Variants in DTX4 observed in about 807,000 individuals in gnomAD.
DTX4 encodes the protein deltex E3 ubiquitin ligase 4.
In DTX4, 28 loss-of-function variants were observed where a neutral mutation model predicts 57.6. That is an observed-to-expected ratio of 0.49 (90% CI 0.36 to 0.67). The LOEUF is 0.67. DTX4 is among the 30% of genes least tolerant of loss of function. The pLI is 0.00. For synonymous variants in DTX4, 316 were observed against 331.0 expected, an observed-to-expected ratio of 0.95 and a Z score of 0.49; for missense variants, 715 against 836.8, an observed-to-expected ratio of 0.85 and a Z score of 1.80.
intron 1 of DTX4, 51 bp downstream of exon 1, chr11:59,172,857 T>C: frequency 1.4e-6 from 2 of 1,420,286 alleles, no homozygotes; most frequent in Non-Finnish European, 1.9e-6. Context: ...CTTCCCAACC[T>C]GCCAAGGTAC....
intron 7 of DTX4, among the ~76,000 whole-genome samples, chr11:59,198,256 G>A (rs570107360): frequency 1.1e-4 from 17 of 152,318 alleles, no homozygotes; most frequent in South Asian, 4.1e-4. Context: ...CCAGGCAGGC[G>A]TCTGAGTTGG....
chr11:59,191,506 A>T (rs1320262779), intron 5 of DTX4, among the ~76,000 whole-genome samples: 1 of 152,218 alleles, frequency 6.6e-6, no homozygotes, highest in Non-Finnish European at 1.5e-5. Flanking sequence ...AACCAGAGAC[A>T]ATTTGGCCCC....
chr11:59,172,218 C>T lies in DTX4; in HGVS notation c.-378C>T, dbSNP rs1862333240. The stretch of plus-strand genomic sequence containing the variant: ...TGGTGCGAGGGCTGGGTCCTTGCCT[C>T]GCCGTCAGCCCCAGCTCGCGGCCGC... On this transcript the variant is annotated 5_prime_UTR_variant, in exon 1 of 9. Transcript: ENST00000227451. Among the ~76,000 whole-genome samples the T allele has an allele frequency of 6.6e-6, 1 of 152,056 alleles. No homozygotes were observed. The highest frequency in any genetic ancestry group is 6.5e-5 in the Admixed American group (1 of 15,274).
Position 59,196,338 on chromosome 11 carries a change from G to A in DTX4, c.1536+969G>A, listed in dbSNP as rs186757767. Among the ~76,000 whole-genome samples the A allele has an allele frequency of 1.2e-4, 19 of 152,340 alleles. No homozygotes were observed. In the East Asian group the frequency reaches 2.5e-3, roughly 20 times the overall value. ...AAGGTACCTCCAGATAGTGATCATC[G>A]ATGTGGAGGAAATAAAACAGGAAGT... On this transcript the variant is annotated intron_variant, in intron 7 of 8. Transcript: ENST00000227451.
rs139687122 is a variant in DTX4, at chr11:59,188,845, G to A, written c.997+49G>A. 5.4e-6 allele frequency: 8 copies of A among 1,493,134 alleles called. No individual in the cohort carries two copies. The African/African-American group carries it at 9.7e-5, about 18-fold the overall frequency. The allele number at this position is 1,493,134 out of a possible 1,614,324, so 92.5% of individuals were successfully genotyped here. ...TGGGTTAAGGTAGAGAAATCAGAGT[G>A]ATGAAATAGGTCATGAGCATTTGTG... is the stretch of plus-strand genomic sequence containing the variant. On this transcript the variant is annotated intron_variant, in intron 3 of 8. Coordinates refer to ENST00000227451, the MANE Select transcript of DTX4 (RefSeq NM_015177.2).
At chr11:59,183,616 T>G (rs1862492996) in intron 2 of DTX4, among the ~76,000 whole-genome samples, 1 of 152,142 alleles carries the variant, frequency 6.6e-6, no homozygotes, top group African/African-American at 2.4e-5. Flanking sequence ...TGCCTAAGTC[T>G]GAAAGTCCAG....
chr11:59,197,779 G>T (rs1862693006), intron 7 of DTX4, among the ~76,000 whole-genome samples: 1 of 152,162 alleles, frequency 6.6e-6, no homozygotes, highest in South Asian at 2.1e-4. Context: ...ATGAGTCAAG[G>T]TGATACAGAC....
intron 5 of DTX4, 57 bp downstream of exon 5, chr11:59,191,232 T>C: frequency 6.6e-7 from 1 of 1,513,890 alleles, no homozygotes. Flanking sequence ...AAGCATTTCC[T>C]CTTCTGCTGT....
rs1010581458 is a variant in DTX4, at chr11:59,172,188, G to C, written c.-408G>C. Among the ~76,000 whole-genome samples the C allele has an allele frequency of 1.3e-5, 2 of 152,096 alleles. No homozygotes were observed. Among genetic ancestry groups the C allele is most frequent in the African/African-American group, 2.4e-5 (1 of 41,446 alleles). ...CCCCGGCGTCTGCAGAGGCCGAGGC[G>C]CAACTGGTGCGAGGGCTGGGTCCTT... On this transcript the variant is annotated 5_prime_UTR_variant, in exon 1 of 9. Transcript: ENST00000227451.
chr11:59,186,184 C>T (rs1489463116), intron 2 of DTX4, among the ~76,000 whole-genome samples: 1 of 152,156 alleles, frequency 6.6e-6, no homozygotes, highest in African/African-American at 2.4e-5. Context: ...CTGTTGAACC[C>T]ATAGTCTTCT....
intron 1 of DTX4, among the ~76,000 whole-genome samples, chr11:59,178,805 T>C (rs1003171220): frequency 1.3e-5 from 2 of 152,016 alleles, no homozygotes; most frequent in African/African-American, 2.4e-5. Flanking sequence ...AGAATTTCAA[T>C]AGGTAAAAAT....
chr11:59,188,869 T>A, intron 3 of DTX4, 73 bp downstream of exon 3: 1 of 1,393,912 alleles, frequency 7.2e-7, no homozygotes, highest in Non-Finnish European at 1.0e-6. Context: ...TGAGCATTTG[T>A]GGAAAAAAAG....
chr11:59,204,341 T>C (rs947936025), intron 8 of DTX4, among the ~76,000 whole-genome samples: 3 of 152,242 alleles, frequency 2.0e-5, no homozygotes, highest in Admixed American at 6.5e-5. Context: ...ATTAGTGCGT[T>C]GTAGGCACTG....
Position 59,189,238 on chromosome 11 carries a change from A to AC in DTX4, c.1080dup (p.Val361ArgfsTer5), listed in dbSNP as rs746452163. ...GGCCACCAAAGCTGGTCCTACACCC[A>AC]CCCCCCGTCAGCAAGAGTGAAATAA... On this transcript the variant is annotated frameshift_variant, in exon 4 of 9. Transcript: ENST00000227451. LOFTEE classifies it high-confidence loss of function. The AC allele has an allele frequency of 1.2e-6, 2 of 1,609,630 alleles. No homozygotes were observed. Among genetic ancestry groups the AC allele is most frequent in the Non-Finnish European group, 1.7e-6 (2 of 1,178,146 alleles).
chr11:59,196,493 A>G (rs1422637031), intron 7 of DTX4, among the ~76,000 whole-genome samples: 2 of 152,276 alleles, frequency 1.3e-5, no homozygotes, highest in Non-Finnish European at 2.9e-5. Context: ...GTGAGAACAC[A>G]GGCCTTCAAA....
intron 4 of DTX4, among the ~76,000 whole-genome samples, chr11:59,190,241 G>A (rs1033755779): frequency 1.3e-5 from 2 of 152,028 alleles, no homozygotes; most frequent in Non-Finnish European, 2.9e-5. Flanking sequence ...TAGTCTTATC[G>A]GAAATAACAG....
chr11:59,184,045 A>G (rs1003265166), intron 2 of DTX4, among the ~76,000 whole-genome samples: 12 of 152,242 alleles, frequency 7.9e-5, no homozygotes, highest in African/African-American at 2.7e-4. Flanking sequence ...TTGTACACAA[A>G]GGCAGTTTAT....
At chr11:59,174,450 A>T (rs914738029) in intron 1 of DTX4, among the ~76,000 whole-genome samples, 4 of 149,224 alleles carry the variant, frequency 2.7e-5, no homozygotes, top group Admixed American at 6.7e-5. Context: ...GGGACCAGAG[A>T]GAGAGAGAGA....
At chr11:59,199,261 C>T (rs1862711928) in intron 7 of DTX4, among the ~76,000 whole-genome samples, 1 of 152,234 alleles carries the variant, frequency 6.6e-6, no homozygotes, top group Admixed American at 6.5e-5. Context: ...ACAGAAGCCA[C>T]ATATCTTCTC....
Sources: allele counts gnomAD v4.1 joint callset (sites outside exome capture counted in the v4.1 genomes callset), GRCh38; gene constraint gnomAD v4.1.1; transcripts MANE v1.5; gene names NCBI Gene and HGNC (gene_info 2026-07-23, HGNC 2026-07-21).